Variants in C18orf54 observed in about 807,000 individuals in gnomAD.
The protein encoded by C18orf54 is chromosome 18 open reading frame 54, also known as lung adenoma susceptibility protein 2.
A neutral mutation model predicts 49.3 loss-of-function variants in C18orf54; 49 were observed. The ratio of observed to expected loss-of-function variants is 0.99; its 90% confidence interval spans 0.79 to 1.26. The LOEUF (loss-of-function observed/expected upper bound fraction) is 1.26, where lower values mean the gene tolerates loss of function less well. C18orf54 is among the 50% of genes most tolerant of loss of function. The probability of loss-of-function intolerance (pLI) is 0.00; values close to 1 mark genes in which losing one functional copy is unlikely to be tolerated. For synonymous variants in C18orf54, 211 were observed against 216.6 expected, an observed-to-expected ratio of 0.97 and a Z score of 0.23; for missense variants, 687 against 620.6, an observed-to-expected ratio of 1.11 and a Z score of -1.14.
At chr18:54,374,113 T>C in intron 7 of C18orf54, 101 bp from the exon 8 acceptor site, 1 of 994,340 alleles carries the variant, frequency 1.0e-6, no homozygotes, top group East Asian at 3.0e-5. Context: ...TTTGGAAATG[T>C]AGAAAATATT....
intron 5 of C18orf54, among the ~76,000 whole-genome samples, chr18:54,365,084 C>A (rs1416817354): frequency 6.6e-6 from 1 of 151,894 alleles, no homozygotes; most frequent in African/African-American, 2.4e-5. Flanking sequence ...GTACTAGGTA[C>A]ATAGAAAATT....
Position 54,361,733 on chromosome 18 carries a change from C to A in C18orf54, c.374C>A (p.Thr125Asn), listed in dbSNP as rs755008953. 6.2e-7 allele frequency: 1 copy of A among 1,613,984 alleles called. No individual in the cohort carries two copies. The highest frequency in any genetic ancestry group is 8.5e-7 in the Non-Finnish European group (1 of 1,179,894). Residue 125 changes from threonine (T) to asparagine (N), a missense_variant, in exon 4 of 9, where the codon ACT (threonine) becomes AAT (asparagine). Transcript: ENST00000620105. ...VNDIDSMSLT[T>N]DDLLRLPADG... ...GACATAGACTCCATGAGCCTAACAA[C>A]TGATGATCTATTAAGACTCCCAGCA... is the stretch of plus-strand genomic sequence containing the variant.
Position 54,372,567 on chromosome 18 carries a change from G to A in C18orf54, c.1428G>A (p.Lys476=). Residue 476 remains lysine (K), a synonymous_variant, in exon 7 of 9, where the codon AAG becomes AAA. Coordinates refer to ENST00000620105, the MANE Select transcript of C18orf54 (RefSeq NM_001288980.2). The part of the protein sequence containing the change: ...QAVQERFNQN[K]TTDPKEEIKQ... ...TACAAGAACGTTTTAATCAAAATAA[G>A]ACCACAGATCCAAAAGAAGAGATTA... 1.2e-6 allele frequency: 2 copies of A among 1,608,258 alleles called. No individual in the cohort carries two copies. The highest frequency in any genetic ancestry group is 1.7e-6 in the Non-Finnish European group (2 of 1,176,808).
At chr18:54,374,188 G>A (rs2089533695) in intron 7 of C18orf54, 26 bp from the exon 8 acceptor site, 1 of 1,480,494 alleles carries the variant, frequency 6.8e-7, no homozygotes, top group Non-Finnish European at 9.1e-7. Context: ...TTAATATTTT[G>A]TTATATTTGG....
Position 54,361,815 on chromosome 18 carries a change from CAAG to C in C18orf54, c.459_461del (p.Lys154del), listed in dbSNP as rs756135405. The C allele has an allele frequency of 3.7e-6, 6 of 1,614,006 alleles. No individual in the cohort carries two copies. Among genetic ancestry groups the C allele is most frequent in the Non-Finnish European group, 5.1e-6 (6 of 1,179,968 alleles). On this transcript the variant is annotated inframe_deletion, in exon 4 of 9. Transcript: ENST00000620105. ...CGAGTCACCGAACGAGCAAGAAAAA[CAAG>C]AAATGCCGTGGAAGACTGGGTTCAT...
rs2089682624 is a variant in C18orf54 at position 54,381,996 on chromosome 18, G to A, written c.*3750G>A. ...TTCTAAACCTGGTTTCCTATATAAA[G>A]TTGTAAGTTCAAGATAAAGAGACCA... On this transcript the variant is annotated 3_prime_UTR_variant, in exon 9 of 9. Transcript: ENST00000620105. 6.6e-6 allele frequency: 1 copy of A among 152,132 alleles called. No homozygotes were observed. The highest frequency in any genetic ancestry group is 2.4e-5 in the African/African-American group (1 of 41,432). The allele number at this position is 152,132 out of a possible 1,614,324, so 9.4% of individuals were successfully genotyped here.
intron 6 of C18orf54, among the ~76,000 whole-genome samples, chr18:54,366,677 C>T (rs2089391668): frequency 6.6e-6 from 1 of 151,928 alleles, no homozygotes; most frequent in South Asian, 2.1e-4. Flanking sequence ...ATTGCTGGAT[C>T]ATATGGTAGT....
At chr18:54,358,600 A>G (rs1169131458) in intron 1 of C18orf54, 174 bp from the exon 2 acceptor site, 2 of 152,012 alleles carry the variant, frequency 1.3e-5, no homozygotes, top group Non-Finnish European at 2.9e-5. Flanking sequence ...ACTGCTGGAG[A>G]CGGGCGACCT....
chr18:54,372,535 C>T lies in C18orf54; in HGVS notation c.1396C>T (p.Gln466Ter), dbSNP rs1343433274. 2 of 1,611,048 alleles carry T rather than the reference C, an allele frequency of 1.2e-6. No individual in the cohort carries two copies. The highest frequency in any genetic ancestry group is 2.7e-5 in the African/African-American group (2 of 74,830). The change falls in exon 7 of 9, where the codon CAA becomes TAA. Residue 466 changes from glutamine to a stop codon, truncating the protein, a stop_gained. Transcript: ENST00000620105. LOFTEE classifies it high-confidence loss of function. ...CCTGAAACAAATGTTATTTAACCTT[C>T]AAGCAGTACAAGAACGTTTTAATCA... ...EALKQMLFNL[Q>*]AVQERFNQNK...
Position 54,372,687 on chromosome 18 carries a change from A to T in C18orf54, c.1458+90A>T, listed in dbSNP as rs2089510087. The T allele has an allele frequency of 2.4e-6, 3 of 1,248,334 alleles. No individual in the cohort carries two copies. The East Asian group carries it at 7.3e-5, about 30-fold the overall frequency. 77.3% of individuals were successfully genotyped at this position (1,248,334 alleles called of 1,614,324 possible). On this transcript the variant is annotated intron_variant, in intron 7 of 8. Coordinates refer to ENST00000620105, the MANE Select transcript of C18orf54 (RefSeq NM_001288980.2). The stretch of plus-strand genomic sequence containing the variant: ...TTTTAATAGACCTACTTATAGTTTT[A>T]TGTTAGTAAGCATGCCACATTACAC...
intron 8 of C18orf54, among the ~76,000 whole-genome samples, chr18:54,374,991 T>G (rs2089546257): frequency 1.3e-5 from 2 of 151,978 alleles, no homozygotes; most frequent in Admixed American, 6.5e-5. Context: ...ACTAGACATG[T>G]AAACTTACGA....
intron 1 of C18orf54, 138 bp downstream of exon 1, chr18:54,358,213 A>T (rs2089185827): frequency 6.6e-6 from 1 of 152,614 alleles, no homozygotes; most frequent in Non-Finnish European, 1.5e-5. Flanking sequence ...GTGGCGAGGA[A>T]AGAGGAGGAG....
At chr18:54,359,312 G>T (rs927707455) in intron 2 of C18orf54, among the ~76,000 whole-genome samples, 2 of 152,184 alleles carry the variant, frequency 1.3e-5, no homozygotes, top group Admixed American at 6.5e-5. Context: ...TACGAAAAAG[G>T]TAAAGCTGGC....
At chr18:54,375,351 C>T (rs575979555) in intron 8 of C18orf54, among the ~76,000 whole-genome samples, 9 of 151,140 alleles carry the variant, frequency 6.0e-5, no homozygotes, top group East Asian at 1.9e-4. Context: ...GTAAAAGAAG[C>T]GGGATTCAGA....
At chr18:54,375,811 G>C (rs1216983109) in intron 8 of C18orf54, among the ~76,000 whole-genome samples, 1 of 151,924 alleles carries the variant, frequency 6.6e-6, no homozygotes, top group East Asian at 1.9e-4. Context: ...TATTAATTCT[G>C]TTGTATTAAC....
chr18:54,364,506 A>G (rs1045656791), intron 5 of C18orf54, among the ~76,000 whole-genome samples: 9 of 152,106 alleles, frequency 5.9e-5, no homozygotes, highest in Non-Finnish European at 7.4e-5. Flanking sequence ...CTGAGAAGGA[A>G]TAGATCTCAG....
intron 7 of C18orf54, 134 bp downstream of exon 7, chr18:54,372,731 GT>G (rs1185204317): frequency 2.9e-4 from 212 of 722,036 alleles, no homozygotes; most frequent in South Asian, 3.8e-4. Context: ...AGTGGCAGTA[GT>G]TTTTTTTTGT....
intron 8 of C18orf54, among the ~76,000 whole-genome samples, chr18:54,377,763 A>C (rs1468788059): frequency 6.6e-6 from 1 of 152,184 alleles, no homozygotes. Context: ...AATGTTAAAA[A>C]TAATTTCTGT....
At chr18:54,372,194 A>G (rs1421053471) in intron 6 of C18orf54, among the ~76,000 whole-genome samples, 2 of 152,078 alleles carry the variant, frequency 1.3e-5, no homozygotes, top group African/African-American at 4.8e-5. Flanking sequence ...TTAATTTGTC[A>G]TAAATATAAA....
Sources: allele counts gnomAD v4.1 joint callset (sites outside exome capture counted in the v4.1 genomes callset), GRCh38; gene constraint gnomAD v4.1.1; transcripts MANE v1.5; gene names NCBI Gene and HGNC (gene_info 2026-07-23, HGNC 2026-07-21).